TNRC6C: variants seen among roughly 807,000 people sequenced by gnomAD.
TNRC6C encodes trinucleotide repeat-containing gene 6C protein.
A neutral mutation model predicts 153.7 loss-of-function variants in TNRC6C; 20 were observed. That is an observed-to-expected ratio of 0.13 (90% CI 0.09 to 0.19). The LOEUF (loss-of-function observed/expected upper bound fraction) is 0.19, where lower values mean the gene tolerates loss of function less well. Ranked by LOEUF, TNRC6C falls within the 10% of genes least tolerant of loss-of-function variation. The pLI is 1.00. For missense variants in TNRC6C, 1,987 were observed against 2,172.0 expected, an observed-to-expected ratio of 0.91 and a Z score of 1.69; for synonymous variants, 811 against 841.4, an observed-to-expected ratio of 0.96 and a Z score of 0.63.
chr17:78,079,334 C>T lies in TNRC6C; in HGVS notation c.3211-61C>T. 6.3e-7 allele frequency: 1 copy of T among 1,589,364 alleles called. No homozygotes were observed. Among genetic ancestry groups the T allele is most frequent in the South Asian group, 1.1e-5 (1 of 89,666 alleles). The stretch of plus-strand genomic sequence containing the variant: ...CTTGAAATAGATCATTTCACCCTAC[C>T]TCCAAACAATGTTACTCTAATGCCT... On this transcript the variant is annotated intron_variant, in intron 9 of 19. Transcript: ENST00000301624. This position sits in a 1 kb window ranked among gnomAD's most constrained non-coding sequence, Gnocchi z 4.3.
At chr17:78,034,133 A>G (rs1462414677) in intron 2 of TNRC6C, among the ~76,000 whole-genome samples, 1 of 152,054 alleles carries the variant, frequency 6.6e-6, no homozygotes, top group East Asian at 1.9e-4. Flanking sequence ...GGCTCACCAC[A>G]ACCTCTGCCT....
exon 17 of TNRC6C, chr17:78,098,494 C>T: frequency 6.2e-7 from 1 of 1,613,894 alleles, no homozygotes. Context: ...CCTCCTCCAC[C>T]TGGGGTGCCA....
intron 13 of TNRC6C, among the ~76,000 whole-genome samples, chr17:78,089,159 G>A (rs2073351982): frequency 6.6e-6 from 1 of 151,476 alleles, no homozygotes; most frequent in Admixed American, 6.6e-5. Flanking sequence ...GTAGAGACTG[G>A]GTTTCACCAT....
chr17:78,049,017 T>C lies in TNRC6C; in HGVS notation c.-46T>C. The C allele has an allele frequency of 6.8e-7, 1 of 1,463,004 alleles. No individual in the cohort carries two copies. The highest frequency in any genetic ancestry group is 2.4e-5 in the East Asian group (1 of 40,984). 90.6% of individuals were successfully genotyped at this position (1,463,004 alleles called of 1,614,324 possible). On this transcript the variant is annotated 5_prime_UTR_variant, in exon 3 of 20. Coordinates refer to ENST00000301624, the Ensembl canonical transcript of TNRC6C. The surrounding 1 kb of genome is among the most constrained non-coding windows in gnomAD (Gnocchi z 4.1). ...AGACTGAATCTGCCTCAGAATGTAC[T>C]ACAGACACTGACTCTGCCTCCAACT...
chr17:78,036,184 TTC>T (rs1193900771), intron 2 of TNRC6C, among the ~76,000 whole-genome samples: 1 of 152,208 alleles, frequency 6.6e-6, no homozygotes, highest in Non-Finnish European at 1.5e-5. Flanking sequence ...GCACACGAAT[TTC>T]TGTGTTTTTC....
chr17:78,104,145 G>A lies in TNRC6C; in HGVS notation c.4713-340G>A, dbSNP rs970677892. Among the ~76,000 whole-genome samples the A allele has an allele frequency of 3.9e-5, 6 of 152,288 alleles. No homozygotes were observed. The highest frequency in any genetic ancestry group is 2.1e-4 in the South Asian group (1 of 4,824). On this transcript the variant is annotated intron_variant, in intron 19 of 19. Coordinates refer to ENST00000301624, the Ensembl canonical transcript of TNRC6C. This position sits in a 1 kb window ranked among gnomAD's most constrained non-coding sequence, Gnocchi z 6.2. ...GAAAGGTTGCTTTTGATAGAAGTAC[G>A]AGTAGACCTGATCAGTAACATCACT...
rs1345633355 is a variant in TNRC6C, at chr17:78,050,227, G to C, written c.1165G>C (p.Ala389Pro). 4 of 1,537,792 alleles carry C rather than the reference G, an allele frequency of 2.6e-6. No individual in the cohort carries two copies. In the South Asian group the frequency reaches 5.2e-5, roughly 20 times the overall value. The change falls in exon 3 of 20, where the codon GCA becomes CCA. Residue 389 changes from alanine (A) to proline (P), a missense_variant. Around this residue, in one of 4 missense-constraint regions of TNRC6C, gnomAD observed 1,052 missense variants for 1,017.0 expected, o/e 1.03. Coordinates refer to ENST00000301624, the Ensembl canonical transcript of TNRC6C. ...ACACATGAACTCCTGGGCCAAAGCG[G>C]CATCTTCTGGAACTACAGCAAGTGA...
At chr17:78,087,140 C>A in intron 13 of TNRC6C, 47 bp downstream of exon 15, 1 of 1,596,060 alleles carries the variant, frequency 6.3e-7, no homozygotes, top group Non-Finnish European at 8.5e-7. Context: ...AGAGAGGGTA[C>A]CTGGAGTCCG....
Position 78,075,314 on chromosome 17 carries a change from TA to T in TNRC6C, c.3060+38del. 6.5e-7 allele frequency: 1 copy of T among 1,546,346 alleles called. No individual in the cohort carries two copies. The stretch of plus-strand genomic sequence containing the variant: ...AGGTGGTTTGTTGTTTTTGCTTTTT[TA>T]ACAAGAGGAGTTTTTCATTTCAACT... On this transcript the variant is annotated intron_variant, in intron 8 of 19. Coordinates refer to ENST00000301624, the Ensembl canonical transcript of TNRC6C. This position sits in a 1 kb window ranked among gnomAD's most constrained non-coding sequence, Gnocchi z 4.2.
chr17:78,007,597 T>C (rs903584664), intron 1 of TNRC6C, among the ~76,000 whole-genome samples: 5 of 152,346 alleles, frequency 3.3e-5, no homozygotes, highest in Non-Finnish European at 5.9e-5. Context: ...CTGCTCCAGA[T>C]TGTGTGTCTA....
intron 1 of TNRC6C, among the ~76,000 whole-genome samples, chr17:77,994,247 C>G (rs898086559): frequency 6.6e-6 from 1 of 152,174 alleles, no homozygotes; most frequent in African/African-American, 2.4e-5. Flanking sequence ...CAGCTTATTA[C>G]TCCAGTGTAA....
chr17:78,086,759 C>T, intron 12 of TNRC6C, 94 bp from the exon 15 acceptor site: 1 of 1,576,234 alleles, frequency 6.3e-7, no homozygotes, highest in Admixed American at 1.7e-5. Context: ...GTAGTGGCCT[C>T]AGCATAAAGA....
In TNRC6C at chr17:78,104,714, TG is replaced by T; in HGVS notation, c.4946del (p.Gly1649AlafsTer21). 6.5e-7 allele frequency: 1 copy of T among 1,535,936 alleles called. No homozygotes were observed. On this transcript the variant is annotated frameshift_variant, in exon 20 of 20. Coordinates refer to ENST00000301624, the Ensembl canonical transcript of TNRC6C. LOFTEE classifies it high-confidence loss of function. This position sits in a 1 kb window ranked among gnomAD's most constrained non-coding sequence, Gnocchi z 6.2. Reference sequence around the variant, plus strand: ...TGGCAAGGGGAGCAGTGAGCTGCTGTGGGGCGGGGTGCCCCAGTACTCCAGC... The same window carrying T: ...TGGCAAGGGGAGCAGTGAGCTGCTGTGGGCGGGGTGCCCCAGTACTCCAGC...
chr17:78,018,501 T>G (rs2143508171), intron 1 of TNRC6C, among the ~76,000 whole-genome samples: 1 of 152,254 alleles, frequency 6.6e-6, no homozygotes, highest in South Asian at 2.1e-4. Context: ...TTAAATATTT[T>G]CTAAATAAGG....
chr17:78,005,146 T>C, intron 1 of TNRC6C, 67 bp downstream of exon 3: 1 of 792,738 alleles, frequency 1.3e-6, no homozygotes, highest in South Asian at 6.2e-5. Context: ...CCAGGATGAC[T>C]TTTTTTTTTA....
At chr17:77,994,603 G>C (rs756337458) in intron 1 of TNRC6C, among the ~76,000 whole-genome samples, 32 of 152,178 alleles carry the variant, frequency 2.1e-4, no homozygotes, top group Admixed American at 3.3e-4. Flanking sequence ...CCCAGGCTCC[G>C]TTTCATCACT....
chr17:78,006,502 TTC>T (rs1262558762), intron 1 of TNRC6C, among the ~76,000 whole-genome samples: 2 of 28,294 alleles, frequency 7.1e-5, no homozygotes, highest in African/African-American at 1.9e-4. Context: ...TTTCTTCTTC[TTC>T]TTCTTCTTCT....
intron 2 of TNRC6C, among the ~76,000 whole-genome samples, chr17:78,034,024 A>C (rs575287247): frequency 2.0e-5 from 3 of 152,002 alleles, no homozygotes; most frequent in Non-Finnish European, 2.9e-5. Flanking sequence ...AGTCTCCCCA[A>C]CATTTTCCCC....
At chr17:77,989,079 T>C (rs1204173243) in intron 1 of TNRC6C, among the ~76,000 whole-genome samples, 2 of 152,236 alleles carry the variant, frequency 1.3e-5, no homozygotes, top group Admixed American at 1.3e-4. Context: ...TTGGAATTTG[T>C]GTCACTTAAC....
Sources: allele counts gnomAD v4.1 joint callset (sites outside exome capture counted in the v4.1 genomes callset), GRCh38; gene constraint gnomAD v4.1.1; regional missense constraint gnomAD v4.1.1; non-coding constraint Gnocchi (gnomAD v3.1); transcripts MANE v1.5; gene names NCBI Gene and HGNC (gene_info 2026-07-23, HGNC 2026-07-21).